The following DTNB variants were observed in gnomAD, a reference collection of about 807,000 sequenced individuals.
The protein encoded by DTNB is DTN-B.
Under a neutral mutation model 90.7 loss-of-function variants are expected in DTNB, and 63 were observed. That is an observed-to-expected ratio of 0.69 (90% CI 0.57 to 0.86). The LOEUF is 0.86. DTNB is among the 40% of genes least tolerant of loss of function. DTNB has a pLI of 0.00. For synonymous variants in DTNB, 277 were observed against 286.7 expected (o/e 0.97, Z 0.34); for missense variants, 744 against 807.1 (o/e 0.92, Z 0.95).
chr2:25,604,416 T>C (rs999542928), intron 5 of DTNB, among the ~76,000 whole-genome samples: 4 of 150,314 alleles, frequency 2.7e-5, no homozygotes, highest in African/African-American at 4.9e-5. Context: ...TCTCTCTCTC[T>C]TTCTTTTCTT....
chr2:25,397,743 G>A (rs1002645643), intron 16 of DTNB, among the ~76,000 whole-genome samples: 7 of 152,086 alleles, frequency 4.6e-5, no homozygotes, highest in Admixed American at 4.6e-4. Context: ...AGCTGGGCAT[G>A]GTGGCGCATG....
chr2:25,671,185 T>C (rs2085803290), intron 1 of DTNB, among the ~76,000 whole-genome samples: 1 of 152,128 alleles, frequency 6.6e-6, no homozygotes, highest in Non-Finnish European at 1.5e-5. Flanking sequence ...TACTTAAGTA[T>C]AGGGAAAAAA....
At chr2:25,516,178 G>C (rs2075079419) in intron 9 of DTNB, among the ~76,000 whole-genome samples, 1 of 152,130 alleles carries the variant, frequency 6.6e-6, no homozygotes, top group South Asian at 2.1e-4. Context: ...TATACCAAGT[G>C]CTGATGAGAA....
intron 12 of DTNB, among the ~76,000 whole-genome samples, chr2:25,448,855 CAAA>C (rs57986514): frequency 3.9e-4 from 31 of 79,516 alleles, no homozygotes; most frequent in Admixed American, 8.5e-4. Context: ...GATTCCATCT[CAAA>C]AAAAAAAAAA....
At chr2:25,639,556 G>A (rs1010508232) in intron 2 of DTNB, among the ~76,000 whole-genome samples, 1 of 151,818 alleles carries the variant, frequency 6.6e-6, no homozygotes, top group Non-Finnish European at 1.5e-5. Context: ...GGAACGGACC[G>A]GTTGCCTGAA....
chr2:25,472,729 G>GA (rs1260748885), intron 10 of DTNB, among the ~76,000 whole-genome samples: 2 of 152,026 alleles, frequency 1.3e-5, no homozygotes, highest in African/African-American at 4.8e-5. Flanking sequence ...ACTAAAAATA[G>GA]AAAAATTAGC....
intron 15 of DTNB, among the ~76,000 whole-genome samples, chr2:25,422,609 T>C (rs142776473): frequency 2.0e-5 from 3 of 152,078 alleles, no homozygotes; most frequent in Admixed American, 2.0e-4. Flanking sequence ...TTTCACCATA[T>C]TGGCCAGGCT....
chr2:25,452,538 T>G (rs2059435349), intron 11 of DTNB, among the ~76,000 whole-genome samples: 1 of 152,224 alleles, frequency 6.6e-6, no homozygotes, highest in Non-Finnish European at 1.5e-5. Flanking sequence ...ACCTCCACTT[T>G]GGCCCTATGT....
rs2038657271 is a variant in DTNB at position 25,383,878 on chromosome 2, C to A, written c.1837G>T (p.Ala613Ser). 6.2e-7 allele frequency: 1 copy of A among 1,614,062 alleles called. No individual in the cohort carries two copies. The highest frequency in any genetic ancestry group is 8.5e-7 in the Non-Finnish European group (1 of 1,179,890). Reference protein sequence around the residue: ...VKELHSAEEGAEEEEEKMQNG... With the variant: ...VKELHSAEEGSEEEEEKMQNG... ...TGCATCTTCTCTTCTTCTTCCTCTG[C>A]ACCTTCCTCTGCTGTGAAAACAAGT... The change falls in exon 19 of 21, where the codon GCA (alanine) becomes TCA (serine). Residue 613 changes from alanine (A) to serine (S), a missense_variant. Transcript: ENST00000406818.
At chr2:25,655,690 C>T (rs1420628259) in intron 1 of DTNB, among the ~76,000 whole-genome samples, 4 of 152,110 alleles carry the variant, frequency 2.6e-5, no homozygotes, top group African/African-American at 9.7e-5. Flanking sequence ...ATTGAAAATC[C>T]CGGAACTGCA....
intron 16 of DTNB, among the ~76,000 whole-genome samples, chr2:25,412,626 T>C (rs190397544): frequency 5.1e-4 from 78 of 152,354 alleles, no homozygotes; most frequent in African/African-American, 1.9e-3. Context: ...CAGATGATCA[T>C]TATTAGATAA....
At chr2:25,502,158 C>T (rs2070886955) in intron 9 of DTNB, among the ~76,000 whole-genome samples, 1 of 151,922 alleles carries the variant, frequency 6.6e-6, no homozygotes, top group Non-Finnish European at 1.5e-5. Flanking sequence ...GCACTCCAAC[C>T]TGAGCGACTG....
At position 25,515,170 on chromosome 2, in the gene DTNB, AAC is replaced by A. The variant is rs143809925; in HGVS notation, c.1001+16301_1001+16302del. On this transcript the variant is annotated intron_variant, in intron 9 of 20. Transcript: ENST00000406818. ...GGCAAGAAAAACAAAAAGCAGAACAAACACACCGAAAAAAAACAAGGGAGAAG... is the reference window on the plus strand; with the variant it reads ...GGCAAGAAAAACAAAAAGCAGAACAAACACCGAAAAAAAACAAGGGAGAAG... Among the ~76,000 whole-genome samples, 260 of 152,252 alleles carry A rather than the reference AAC, an allele frequency of 1.7e-3. 3 individuals carry two copies. The highest frequency in any genetic ancestry group is 6.0e-3 in the African/African-American group (251 of 41,550).
At chr2:25,528,568 T>C (rs1302701151) in intron 9 of DTNB, among the ~76,000 whole-genome samples, 1 of 152,176 alleles carries the variant, frequency 6.6e-6, no homozygotes, top group Non-Finnish European at 1.5e-5. Flanking sequence ...TAACGAACAA[T>C]TTAAGCAAGA....
intron 8 of DTNB, among the ~76,000 whole-genome samples, chr2:25,565,712 A>G (rs553029430): frequency 5.3e-5 from 8 of 152,100 alleles, no homozygotes; most frequent in Non-Finnish European, 7.3e-5. Context: ...TTAACAAGGT[A>G]TATTATACTG....
chr2:25,636,550 G>A (rs1200226116), intron 3 of DTNB, among the ~76,000 whole-genome samples: 3 of 152,028 alleles, frequency 2.0e-5, no homozygotes, highest in South Asian at 2.1e-4. Context: ...TTTTGACCAC[G>A]AGCACAGAAA....
At chr2:25,621,090 C>T (rs564490686) in intron 4 of DTNB, among the ~76,000 whole-genome samples, 1 of 152,298 alleles carries the variant, frequency 6.6e-6, no homozygotes, top group South Asian at 2.1e-4. Flanking sequence ...GCATAGGACT[C>T]TGATCTTACT....
At chr2:25,403,397 T>A (rs1026171788) in intron 16 of DTNB, among the ~76,000 whole-genome samples, 1 of 152,236 alleles carries the variant, frequency 6.6e-6, no homozygotes, top group Non-Finnish European at 1.5e-5. Context: ...ATTACAGGCA[T>A]GAGCCACTGT....
At chr2:25,454,119 C>T (rs1159849818) in intron 11 of DTNB, among the ~76,000 whole-genome samples, 10 of 148,062 alleles carry the variant, frequency 6.8e-5, no homozygotes, top group African/African-American at 2.3e-4. Flanking sequence ...CACTGCGCTC[C>T]AACCTGGACG....
Sources: allele counts gnomAD v4.1 joint callset (sites outside exome capture counted in the v4.1 genomes callset), GRCh38; gene constraint gnomAD v4.1.1; transcripts MANE v1.5; gene names NCBI Gene and HGNC (gene_info 2026-07-23, HGNC 2026-07-21).